The following TPPP variants were observed in gnomAD, a reference collection of about 807,000 sequenced individuals.
TPPP encodes the protein tubulin polymerization-promoting protein.
In TPPP, 6 loss-of-function variants were observed where a neutral mutation model predicts 15.5. The observed-to-expected ratio is 0.39, with a 90% CI of 0.21 to 0.77. The LOEUF (loss-of-function observed/expected upper bound fraction) is 0.77. TPPP is among the 30% of genes least tolerant of loss of function. The pLI is 0.42. For missense variants in TPPP, 269 were observed against 307.2 expected (o/e 0.88, Z 0.93); for synonymous variants, 146 against 133.9 (o/e 1.09, Z -0.63).
chr5:698,363 G>A, the TPPP span, among the ~76,000 whole-genome samples: 56 of 152,140 alleles, frequency 3.7e-4, 2 homozygotes, highest in African/African-American at 1.3e-3. Context: ...TGGAGAAGAA[G>A]GAGCCCAAAC....
chr5:682,329 G>A (rs1022465676), intron 1 of TPPP, among the ~76,000 whole-genome samples: 6 of 76,004 alleles, frequency 7.9e-5, no homozygotes, highest in African/African-American at 5.6e-4. Context: ...CACTAGGGCC[G>A]GGGCCTGTCC....
chr5:664,974 G>T lies in TPPP; in HGVS notation c.*128C>A, dbSNP rs558125705. 2.6e-6 allele frequency: 3 copies of T among 1,144,278 alleles called. No homozygotes were observed. The highest frequency in any genetic ancestry group is 3.0e-5 in the South Asian group (2 of 65,722). The allele number at this position is 1,144,278 out of a possible 1,614,324, so 70.9% of individuals were successfully genotyped here. A position where few individuals can be genotyped will look rare whatever the true frequency, so the allele number is the denominator to read the frequency against. ...GCAGGAGGGAGGCCTGGGCCTGGCCGCCCCCCAGCCCCCTCTGGGGCACCC... is the reference window on the plus strand; with the variant it reads ...GCAGGAGGGAGGCCTGGGCCTGGCCTCCCCCCAGCCCCCTCTGGGGCACCC... On this transcript the variant is annotated 3_prime_UTR_variant, in exon 4 of 4. Coordinates refer to ENST00000360578, the MANE Select transcript of TPPP (RefSeq NM_007030.3).
the TPPP span, among the ~76,000 whole-genome samples, chr5:700,483 G>A: frequency 6.6e-6 from 1 of 151,922 alleles, no homozygotes; most frequent in East Asian, 1.9e-4. Context: ...TACTTCTTCA[G>A]TACAATGTTC....
upstream of TPPP, among the ~76,000 whole-genome samples, chr5:697,567 G>T (rs989351031): frequency 3.9e-5 from 6 of 152,126 alleles, no homozygotes; most frequent in Admixed American, 3.9e-4. Context: ...GCAGCCCTGG[G>T]TGTGGCTTTC....
Position 661,612 on chromosome 5 carries a change from C to T in TPPP, c.*3490G>A, listed in dbSNP as rs1739611800. 1 of 152,438 alleles carries T rather than the reference C, an allele frequency of 6.6e-6. No individual in the cohort carries two copies. The highest frequency in any genetic ancestry group is 2.4e-5 in the African/African-American group (1 of 41,464). The allele number at this position is 152,438 out of a possible 1,614,324, so 9.4% of individuals were successfully genotyped here. A position where few individuals can be genotyped will look rare whatever the true frequency, so the allele number is the denominator to read the frequency against. ...GAGAACACACACCTGCCTGAATTCA[C>T]AATATTCAGAAACTGACTGAGGAAG... On this transcript the variant is annotated 3_prime_UTR_variant, in exon 4 of 4. Coordinates refer to ENST00000360578, the MANE Select transcript of TPPP (RefSeq NM_007030.3).
At chr5:691,924 C>A (rs1579202244) in intron 1 of TPPP, among the ~76,000 whole-genome samples, 1 of 110,654 alleles carries the variant, frequency 9.0e-6, no homozygotes, top group African/African-American at 3.5e-5. Flanking sequence ...AACAGCCCCC[C>A]CAACCCGTAT....
chr5:685,805 G>A (rs1740751295), intron 1 of TPPP, among the ~76,000 whole-genome samples: 1 of 152,194 alleles, frequency 6.6e-6, no homozygotes, highest in African/African-American at 2.4e-5. Flanking sequence ...AGAAGGCGGG[G>A]CAGTCTCAGA....
chr5:671,210 A>C (rs1390612401), intron 2 of TPPP, among the ~76,000 whole-genome samples: 1 of 146,850 alleles, frequency 6.8e-6, no homozygotes, highest in East Asian at 2.0e-4. Context: ...GCTGCTAATT[A>C]ATTTTGCGTT....
chr5:683,557 G>A (rs1170582189), intron 1 of TPPP, among the ~76,000 whole-genome samples: 1 of 152,214 alleles, frequency 6.6e-6, no homozygotes, highest in Non-Finnish European at 1.5e-5. Flanking sequence ...CTCTACCCCT[G>A]GAGACACTGC....
At chr5:677,337 C>G (rs567225430) in intron 2 of TPPP, among the ~76,000 whole-genome samples, 3 of 152,342 alleles carry the variant, frequency 2.0e-5, no homozygotes, top group Non-Finnish European at 4.4e-5. Flanking sequence ...GCCACCTGCC[C>G]CTCCAGGCTC....
intron 1 of TPPP, among the ~76,000 whole-genome samples, chr5:684,193 C>T (rs954825707): frequency 3.3e-5 from 5 of 152,248 alleles, no homozygotes; most frequent in Non-Finnish European, 7.3e-5. Context: ...CCCTCTGCAA[C>T]GCCCAGTGCT....
intron 2 of TPPP, among the ~76,000 whole-genome samples, chr5:671,727 G>A (rs1239818013): frequency 1.3e-5 from 2 of 152,220 alleles, no homozygotes; most frequent in Non-Finnish European, 2.9e-5. Flanking sequence ...TCCACTCTGC[G>A]GAAGCCACGT....
chr5:660,628 G>C lies in TPPP; in HGVS notation c.*4474C>G, dbSNP rs1335722692. On this transcript the variant is annotated 3_prime_UTR_variant, in exon 4 of 4. Coordinates refer to ENST00000360578, the MANE Select transcript of TPPP (RefSeq NM_007030.3). Reference sequence around the variant, plus strand: ...CCACAGGAGGAGATGAGCTGGGCCAGTAGAGGGACAGGTAAGTGTCCAGGG... The same window carrying C: ...CCACAGGAGGAGATGAGCTGGGCCACTAGAGGGACAGGTAAGTGTCCAGGG... 1 of 152,370 alleles carries C rather than the reference G, an allele frequency of 6.6e-6. No individual in the cohort carries two copies. The allele number at this position is 152,370 out of a possible 1,614,324, so 9.4% of individuals were successfully genotyped here.
intron 2 of TPPP, among the ~76,000 whole-genome samples, chr5:671,577 C>G (rs1740225878): frequency 6.6e-6 from 1 of 152,240 alleles, no homozygotes; most frequent in Non-Finnish European, 1.5e-5. Flanking sequence ...AGACGGGTGC[C>G]TGTCGCCGCA....
chr5:681,442 G>T (rs1171091946), intron 1 of TPPP, among the ~76,000 whole-genome samples: 1 of 152,116 alleles, frequency 6.6e-6, no homozygotes, highest in African/African-American at 2.4e-5. Flanking sequence ...GCACTCCCAG[G>T]CCTGTGCCCG....
At chr5:685,545 G>A (rs1426549594) in intron 1 of TPPP, among the ~76,000 whole-genome samples, 3 of 152,222 alleles carry the variant, frequency 2.0e-5, no homozygotes, top group Admixed American at 1.3e-4. Context: ...GGAGCCTTCC[G>A]GTAAGGGGGG....
chr5:675,836 T>G (rs1740413407), intron 2 of TPPP: 1 of 152,326 alleles, frequency 6.6e-6, no homozygotes, highest in African/African-American at 2.4e-5. Context: ...CAAGGTTGCA[T>G]GACTACCTAC....
Position 666,027 on chromosome 5 carries a change from G to A in TPPP, c.408C>T (p.Ala136=), listed in dbSNP as rs529736782. ...KRFKDKSSEE[A]VREVHRLIEG... ...CGATGAGCCTGTGCACCTCGCGAAC[G>A]GCCTCCTCGCTGCTCTTGTCTTTGA... Residue 136 remains alanine (A), a synonymous_variant, in exon 3 of 4, where the codon GCC becomes GCT. Transcript: ENST00000360578. The A allele has an allele frequency of 2.4e-5, 39 of 1,600,924 alleles. No homozygotes were observed. Among genetic ancestry groups the A allele is most frequent in the Middle Eastern group, 1.7e-4 (1 of 6,044 alleles).
At position 670,949 on chromosome 5, in the gene TPPP, C is replaced by G. The variant is rs577781707; in HGVS notation, c.312-4826G>C. Reference sequence around the variant, plus strand: ...AGGAAACCGGAGCCCTTCCTGCACCCTACTTGGCTCAGAGGATGGATGGCA... The same window carrying G: ...AGGAAACCGGAGCCCTTCCTGCACCGTACTTGGCTCAGAGGATGGATGGCA... On this transcript the variant is annotated intron_variant, in intron 2 of 3. Coordinates refer to ENST00000360578, the MANE Select transcript of TPPP (RefSeq NM_007030.3). Among the ~76,000 whole-genome samples the G allele has an allele frequency of 2.4e-3, 361 of 152,338 alleles. 1 individual carries two copies. The highest frequency in any genetic ancestry group is 4.1e-3 in the Non-Finnish European group (282 of 68,014).
Sources: gnomAD v4.1 joint callset for allele counts (sites outside exome capture counted in the v4.1 genomes callset) on GRCh38, gnomAD v4.1.1 for gene constraint, MANE v1.5 for transcripts, NCBI Gene and HGNC (gene_info 2026-07-23, HGNC 2026-07-21) for gene names.